Variants in KCTD1 observed in about 807,000 individuals in gnomAD.
The protein encoded by KCTD1 is BTB/POZ domain-containing protein KCTD1.
In KCTD1, 24 loss-of-function variants were observed where a neutral mutation model predicts 66.0. The observed-to-expected ratio is 0.36, with a 90% CI of 0.26 to 0.51. The LOEUF (loss-of-function observed/expected upper bound fraction) is 0.51, where lower values mean the gene tolerates loss of function less well. KCTD1 is among the 20% of genes least tolerant of loss of function. The pLI, the probability that KCTD1 is intolerant of heterozygous loss-of-function variation, is 0.95. For synonymous variants in KCTD1, 511 were observed against 517.2 expected (o/e 0.99, Z 0.16); for missense variants, 943 against 1,205.2 (o/e 0.78, Z 3.22).
chr18:26,597,485 G>C (rs1048973589), intron 1 of KCTD1, among the ~76,000 whole-genome samples: 4 of 152,140 alleles, frequency 2.6e-5, no homozygotes, highest in Non-Finnish European at 2.9e-5. Flanking sequence ...GTATTGGTAT[G>C]AGCTGAAGTT....
chr18:26,515,921 C>T (rs557869390), intron 1 of KCTD1, among the ~76,000 whole-genome samples: 1 of 152,284 alleles, frequency 6.6e-6, no homozygotes, highest in East Asian at 1.9e-4. Context: ...AAGAGCCCAG[C>T]TTAATTTCAT....
upstream of KCTD1, among the ~76,000 whole-genome samples, chr18:26,644,101 C>G (rs149216946): frequency 7.9e-4 from 120 of 152,216 alleles, 1 homozygote; most frequent in East Asian, 0.018. Flanking sequence ...GGTTCTCATC[C>G]CCGTTTCCCC....
At chr18:26,497,193 A>G (rs927484671) in intron 2 of KCTD1, among the ~76,000 whole-genome samples, 1 of 152,164 alleles carries the variant, frequency 6.6e-6, no homozygotes, top group African/African-American at 2.4e-5. Flanking sequence ...GTAGAAAGAT[A>G]ATATTATATC....
intron 1 of KCTD1, among the ~76,000 whole-genome samples, chr18:26,605,200 A>G (rs1285478904): frequency 6.6e-6 from 1 of 152,234 alleles, no homozygotes; most frequent in African/African-American, 2.4e-5. Flanking sequence ...ACTTAGCTGC[A>G]AGGGAAGCTG....
Position 26,547,282 on chromosome 18 carries a change from T to G in KCTD1, c.1255A>C (p.Thr419Pro). The G allele has an allele frequency of 6.4e-7, 1 of 1,551,666 alleles. No individual in the cohort carries two copies. Among genetic ancestry groups the G allele is most frequent in the Non-Finnish European group, 8.7e-7 (1 of 1,146,970 alleles). The change falls in exon 1 of 5, where the codon ACC becomes CCC. Residue 419 changes from threonine to proline, a missense_variant. Around this residue, in one of 10 missense-constraint regions of KCTD1, gnomAD observed 79 missense variants for 133.9 expected, o/e 0.59. Coordinates refer to ENST00000580059, the MANE Select transcript of KCTD1 (RefSeq NM_001142730.3). ...CCGATGGCTTTGTTCTCGTACCAGG[T>G]CACATCGCCCTCGCTGCAGTGGTCC... ...PRDHCSEGDV[T>P]WYENKAIGKN... is the part of the protein sequence containing the mutation.
chr18:26,654,811 C>T (rs1480597319), intron 1 of KCTD1, among the ~76,000 whole-genome samples: 5 of 152,192 alleles, frequency 3.3e-5, no homozygotes, highest in Admixed American at 1.3e-4. Flanking sequence ...AATTAGTAAA[C>T]ATTTAACCTA....
At chr18:26,465,587 A>C (rs527267431) in intron 3 of KCTD1, among the ~76,000 whole-genome samples, 5 of 152,248 alleles carry the variant, frequency 3.3e-5, no homozygotes, top group Non-Finnish European at 7.3e-5. Context: ...TGGAAGCAGC[A>C]GCAGTGTCCC....
intron 1 of KCTD1, among the ~76,000 whole-genome samples, chr18:26,513,800 A>G (rs1339259474): frequency 2.0e-5 from 3 of 152,252 alleles, no homozygotes; most frequent in South Asian, 4.1e-4. Context: ...CAGAATTGGA[A>G]TTCAAAATGC....
intron 1 of KCTD1, among the ~76,000 whole-genome samples, chr18:26,656,603 G>A (rs1205265411): frequency 1.3e-5 from 2 of 151,440 alleles, no homozygotes; most frequent in East Asian, 4.0e-4. Flanking sequence ...GTCCGGCCCG[G>A]GCAAAAGGGG....
At chr18:26,591,985 T>C (rs1986617209) in intron 1 of KCTD1, among the ~76,000 whole-genome samples, 1 of 152,220 alleles carries the variant, frequency 6.6e-6, no homozygotes. Context: ...TTTTTAACAT[T>C]AGAGCATAAA....
intron 1 of KCTD1, among the ~76,000 whole-genome samples, chr18:26,617,928 GA>G (rs199828453): frequency 0.06 from 8,215 of 136,438 alleles, 267 homozygotes; most frequent in East Asian, 0.085. Context: ...CAAAAAGAAG[GA>G]AAAAAAAAAA....
At chr18:26,651,431 G>T (rs1172294979) in intron 1 of KCTD1, among the ~76,000 whole-genome samples, 1 of 152,148 alleles carries the variant, frequency 6.6e-6, no homozygotes, top group Admixed American at 6.5e-5. Flanking sequence ...CAGGCAAGAG[G>T]AGGTACAGCT....
chr18:26,503,430 T>C (rs897520255), intron 1 of KCTD1, among the ~76,000 whole-genome samples: 3 of 152,158 alleles, frequency 2.0e-5, no homozygotes, highest in Non-Finnish European at 4.4e-5. Flanking sequence ...AATGCAATCA[T>C]ACAACCTCCA....
chr18:26,656,369 C>CTG (rs1460959884), intron 1 of KCTD1, among the ~76,000 whole-genome samples: 2 of 152,212 alleles, frequency 1.3e-5, no homozygotes, highest in Non-Finnish European at 2.9e-5. Context: ...GGAGCATGTG[C>CTG]TGTGCCCTTT....
At chr18:26,534,281 G>T (rs915896022) in intron 1 of KCTD1, among the ~76,000 whole-genome samples, 53 of 152,184 alleles carry the variant, frequency 3.5e-4, no homozygotes, top group African/African-American at 1.3e-3. Context: ...GGAGAGAACA[G>T]AAGTTTGTGT....
chr18:26,551,908 A>G (rs1434992090), upstream of KCTD1, among the ~76,000 whole-genome samples: 1 of 152,224 alleles, frequency 6.6e-6, no homozygotes, highest in Non-Finnish European at 1.5e-5. Flanking sequence ...CGTTCAGACT[A>G]CCACCTTGAC....
intron 1 of KCTD1, among the ~76,000 whole-genome samples, chr18:26,574,912 A>T (rs1329078319): frequency 6.6e-6 from 1 of 152,116 alleles, no homozygotes; most frequent in African/African-American, 2.4e-5. Flanking sequence ...AATTATAGTG[A>T]TATCTTTGCT....
At chr18:26,593,766 G>GGACAAGGAGGGAGGAGGAA (rs1986697856) in intron 1 of KCTD1, among the ~76,000 whole-genome samples, 1 of 81,356 alleles carries the variant, frequency 1.2e-5, no homozygotes, top group African/African-American at 5.5e-5. Flanking sequence ...AGGAGGAGAA[G>GGACAAGGAGGGAGGAGGAA]GACAAGGAGG....
At chr18:26,587,687 A>G (rs374645273) in intron 1 of KCTD1, among the ~76,000 whole-genome samples, 1 of 152,166 alleles carries the variant, frequency 6.6e-6, no homozygotes, top group South Asian at 2.1e-4. Context: ...AGTTTGGAGG[A>G]AGGTGATTCT....
Sources: gnomAD v4.1 joint callset for allele counts (sites outside exome capture counted in the v4.1 genomes callset) on GRCh38, gnomAD v4.1.1 for gene constraint, gnomAD v4.1.1 regional missense constraint, MANE v1.5 for transcripts, NCBI Gene and HGNC (gene_info 2026-07-23, HGNC 2026-07-21) for gene names.